LRP1B: variants seen among roughly 807,000 people sequenced by gnomAD.
LRP1B encodes low-density lipoprotein receptor-related protein 1B.
In LRP1B, 217 loss-of-function variants were observed where a neutral mutation model predicts 556.6. The observed-to-expected ratio is 0.39, with a 90% CI of 0.35 to 0.44. The LOEUF (loss-of-function observed/expected upper bound fraction) is 0.44, where lower values mean the gene tolerates loss of function less well. Ranked by LOEUF, LRP1B falls within the 20% of genes least tolerant of loss-of-function variation. The probability of loss-of-function intolerance (pLI) is 1.00; values close to 1 mark genes in which losing one functional copy is unlikely to be tolerated. For synonymous variants in LRP1B, 2,047 were observed against 1,865.8 expected (o/e 1.10, Z -2.50); for missense variants, 5,053 against 5,620.8 (o/e 0.90, Z 3.23).
At chr2:140,359,333 A>G (rs1682397952) in intron 72 of LRP1B, among the ~76,000 whole-genome samples, 1 of 151,710 alleles carries the variant, frequency 6.6e-6, no homozygotes, top group Non-Finnish European at 1.5e-5. Context: ...CATATGTTAC[A>G]GGCCCAAAAT....
rs746949285 is a variant in LRP1B, at chr2:141,188,536, C to A, written c.898G>T (p.Val300Leu). 7 of 1,612,742 alleles carry A rather than the reference C, an allele frequency of 4.3e-6. No homozygotes were observed. The highest frequency in any genetic ancestry group is 5.9e-6 in the Non-Finnish European group (7 of 1,179,218). The change falls in exon 7 of 91, where the codon GTG (valine) becomes TTG (leucine). Residue 300 changes from valine (V) to leucine (L), a missense_variant. Around this residue, in one of 5 missense-constraint regions of LRP1B, gnomAD observed 3,619 missense variants for 3,931.9 expected, o/e 0.92. Transcript: ENST00000389484. The part of the protein sequence containing the change: ...IDWLTRNLYF[V>L]DHVGDRIFVC... ...AAGATCCGGTCACCGACATGGTCCA[C>A]AAAATAGAGATTTCGAGTGAGCCAG...
chr2:141,874,655 AT>A (rs1698699571), intron 1 of LRP1B, among the ~76,000 whole-genome samples: 1 of 152,024 alleles, frequency 6.6e-6, no homozygotes, highest in Non-Finnish European at 1.5e-5. Context: ...GTAAAAAAGC[AT>A]CTCAAAAGTA....
chr2:141,544,355 C>CTTCTT (rs1685447894), intron 2 of LRP1B, among the ~76,000 whole-genome samples: 5 of 95,970 alleles, frequency 5.2e-5, no homozygotes, highest in African/African-American at 1.1e-4. Flanking sequence ...TCTTCTTCTT[C>CTTCTT]TTCTTCTTCT....
At chr2:141,436,284 A>C (rs1680762491) in intron 3 of LRP1B, among the ~76,000 whole-genome samples, 1 of 152,170 alleles carries the variant, frequency 6.6e-6, no homozygotes, top group Non-Finnish European at 1.5e-5. Context: ...AAGACACTTA[A>C]GATCTATTAG....
intron 35 of LRP1B, among the ~76,000 whole-genome samples, chr2:140,720,098 A>G (rs1307018353): frequency 6.6e-6 from 1 of 152,020 alleles, no homozygotes; most frequent in Non-Finnish European, 1.5e-5. Flanking sequence ...AGATTTTCAG[A>G]ACCATGTCCT....
intron 1 of LRP1B, among the ~76,000 whole-genome samples, chr2:141,865,557 A>C (rs1229964431): frequency 7.1e-6 from 1 of 141,000 alleles, no homozygotes; most frequent in African/African-American, 2.7e-5. Flanking sequence ...CCGCCACTGC[A>C]CTCCAGCCTG....
At chr2:140,921,765 A>G (rs1019370029) in intron 21 of LRP1B, among the ~76,000 whole-genome samples, 7 of 151,966 alleles carry the variant, frequency 4.6e-5, no homozygotes, top group African/African-American at 1.7e-4. Flanking sequence ...ATCTATACCT[A>G]TGTTAGCTTG....
chr2:140,621,094 A>C (rs1166714771), intron 41 of LRP1B, among the ~76,000 whole-genome samples: 1 of 152,004 alleles, frequency 6.6e-6, no homozygotes, highest in African/African-American at 2.4e-5. Context: ...GAAAATACTG[A>C]TATTGGGCCA....
At chr2:141,339,930 C>T (rs1687996198) in intron 3 of LRP1B, among the ~76,000 whole-genome samples, 1 of 152,096 alleles carries the variant, frequency 6.6e-6, no homozygotes, top group Admixed American at 6.6e-5. Context: ...TTTCACCCCC[C>T]TCCAAACCTC....
chr2:140,428,429 C>T (rs1410454615), intron 66 of LRP1B, among the ~76,000 whole-genome samples: 1 of 152,206 alleles, frequency 6.6e-6, no homozygotes, highest in Non-Finnish European at 1.5e-5. Context: ...TGCCAGAAAT[C>T]TGGCCACCAG....
chr2:140,645,533 C>CTTTTTTTTTTTTT (rs36082249), intron 41 of LRP1B, among the ~76,000 whole-genome samples: 3 of 81,230 alleles, frequency 3.7e-5, no homozygotes, highest in Non-Finnish European at 4.4e-5. Flanking sequence ...TGCCAATATT[C>CTTTTTTTTTTTTT]TTTTTTTTTT....
At position 140,232,259 on chromosome 2, in the gene LRP1B, T is replaced by A. The variant is rs1680507263; in HGVS notation, c.*927A>T. The A allele has an allele frequency of 6.6e-6, 1 of 151,328 alleles. No individual in the cohort carries two copies. The highest frequency in any genetic ancestry group is 6.6e-5 in the Admixed American group (1 of 15,102). The allele number at this position is 151,328 out of a possible 1,614,324, so 9.4% of individuals were successfully genotyped here. On this transcript the variant is annotated 3_prime_UTR_variant, in exon 91 of 91. Coordinates refer to ENST00000389484, the MANE Select transcript of LRP1B (RefSeq NM_018557.3). ...CACGTAATTGAAATTCTGTCACCAA[T>A]TTGTGTGCTTATATATTATTCTTTA... is the stretch of plus-strand genomic sequence containing the variant.
chr2:140,931,258 C>G (rs1460022482), intron 20 of LRP1B, among the ~76,000 whole-genome samples: 2 of 152,126 alleles, frequency 1.3e-5, no homozygotes, highest in Non-Finnish European at 2.9e-5. Context: ...TATAGGTCAT[C>G]TGGATTTGCC....
intron 7 of LRP1B, among the ~76,000 whole-genome samples, chr2:141,183,432 T>A (rs575569571): frequency 6.6e-6 from 1 of 150,604 alleles, no homozygotes; most frequent in South Asian, 2.1e-4. Flanking sequence ...ATTATTAGCT[T>A]CAACAGGTGG....
At position 141,049,188 on chromosome 2, in the gene LRP1B, T is replaced by A. The variant is rs2105446229; in HGVS notation, c.1587A>T (p.Lys529Asn). The change falls in exon 11 of 91, where the codon AAA (lysine) becomes AAT (asparagine). Residue 529 changes from lysine to asparagine, a missense_variant. Around this residue, in one of 5 missense-constraint regions of LRP1B, gnomAD observed 3,619 missense variants for 3,931.9 expected, o/e 0.92. Transcript: ENST00000389484. ...TTCCTCTAACAATTCCTGGGCGTCC[T>A]TTCCCATAAAAGAGGAACAACTCAT... ...PKNELFLFYG[K>N]GRPGIVRGMD... 2 of 1,613,380 alleles carry A rather than the reference T, an allele frequency of 1.2e-6. No homozygotes were observed. Among genetic ancestry groups the A allele is most frequent in the Non-Finnish European group, 1.7e-6 (2 of 1,179,522 alleles).
intron 77 of LRP1B, among the ~76,000 whole-genome samples, chr2:140,349,636 A>C (rs1681867776): frequency 1.3e-5 from 2 of 152,082 alleles, no homozygotes; most frequent in South Asian, 4.1e-4. Context: ...AAGCAACAGG[A>C]ATAAGATTCA....
intron 7 of LRP1B, among the ~76,000 whole-genome samples, chr2:141,164,685 G>T (rs1399230154): frequency 6.6e-6 from 1 of 151,982 alleles, no homozygotes; most frequent in Non-Finnish European, 1.5e-5. Flanking sequence ...TTCTATCTGT[G>T]ATAGTAACAA....
chr2:141,649,405 A>G (rs542180506), intron 2 of LRP1B, among the ~76,000 whole-genome samples: 3 of 152,224 alleles, frequency 2.0e-5, no homozygotes, highest in Non-Finnish European at 4.4e-5. Flanking sequence ...TCTTCTTACC[A>G]TAAAAATAAC....
intron 2 of LRP1B, among the ~76,000 whole-genome samples, chr2:141,714,622 C>CA (rs1477318487): frequency 6.6e-6 from 1 of 152,016 alleles, no homozygotes; most frequent in Non-Finnish European, 1.5e-5. Context: ...GTTGTTGCTT[C>CA]AGGCCTCAGA....
Sources: gnomAD v4.1 joint callset for allele counts (sites outside exome capture counted in the v4.1 genomes callset) on GRCh38, gnomAD v4.1.1 for gene constraint, gnomAD v4.1.1 regional missense constraint, MANE v1.5 for transcripts, NCBI Gene and HGNC (gene_info 2026-07-23, HGNC 2026-07-21) for gene names.